SAMTOR: variants seen among roughly 807,000 people sequenced by gnomAD.
SAMTOR encodes S-adenosylmethionine sensor upstream of mTORC1, also known as UPF0532 protein C7orf60.
chr7:112,895,486 G>T, the SAMTOR span: 1 of 980,662 alleles, frequency 1.0e-6, no homozygotes, highest in Non-Finnish European at 1.4e-6. Context: ...CAAGTAAACT[G>T]CTCACTGTTT....
At chr7:112,864,716 T>C in the SAMTOR span, among the ~76,000 whole-genome samples, 29 of 152,304 alleles carry the variant, frequency 1.9e-4, 1 homozygote, top group Admixed American at 1.8e-3. Context: ...AGAACTGAGG[T>C]GGGAAAATAA....
the SAMTOR span, among the ~76,000 whole-genome samples, chr7:112,888,374 G>A: frequency 2.0e-5 from 3 of 152,036 alleles, no homozygotes; most frequent in African/African-American, 7.2e-5. Context: ...TGAATATTTT[G>A]AAAAATTATA....
the SAMTOR span, among the ~76,000 whole-genome samples, chr7:112,850,793 CCTT>C: frequency 1.3e-5 from 2 of 152,240 alleles, no homozygotes; most frequent in East Asian, 3.9e-4. Context: ...ATGTGAATCA[CCTT>C]TTTTCCCTCA....
chr7:112,871,705 T>C, the SAMTOR span, among the ~76,000 whole-genome samples: 2 of 152,138 alleles, frequency 1.3e-5, no homozygotes, highest in Non-Finnish European at 2.9e-5. Context: ...ACCATACAAA[T>C]GATCAATGTT....
At chr7:112,851,475 A>C in the SAMTOR span, among the ~76,000 whole-genome samples, 2 of 152,198 alleles carry the variant, frequency 1.3e-5, no homozygotes, top group Admixed American at 1.3e-4. Context: ...TAATGCTGGG[A>C]AAACTGGATA....
At chr7:112,911,518 T>C in the SAMTOR span, among the ~76,000 whole-genome samples, 3 of 151,880 alleles carry the variant, frequency 2.0e-5, no homozygotes, top group East Asian at 5.8e-4. Flanking sequence ...AATGCCAGTA[T>C]AAAAACAGAA....
At chr7:112,837,154 T>A in the SAMTOR span, among the ~76,000 whole-genome samples, 1 of 152,110 alleles carries the variant, frequency 6.6e-6, no homozygotes, top group South Asian at 2.1e-4. Context: ...ATTTTTCACC[T>A]CCCTGATTAG....
At chr7:112,902,920 G>A in the SAMTOR span, among the ~76,000 whole-genome samples, 1 of 152,172 alleles carries the variant, frequency 6.6e-6, no homozygotes, top group Non-Finnish European at 1.5e-5. Context: ...CATCACCTAT[G>A]CAAAACTCTT....
At chr7:112,852,365 T>A in the SAMTOR span, among the ~76,000 whole-genome samples, 1 of 152,044 alleles carries the variant, frequency 6.6e-6, no homozygotes, top group Non-Finnish European at 1.5e-5. Flanking sequence ...GAAAGCCAAA[T>A]ACATGTTCTA....
the SAMTOR span, among the ~76,000 whole-genome samples, chr7:112,923,079 A>G: frequency 7.9e-5 from 12 of 152,332 alleles, no homozygotes; most frequent in African/African-American, 2.6e-4. Context: ...GATGGTTGCT[A>G]TGTCTGTGTA....
chr7:112,859,805 G>T, the SAMTOR span, among the ~76,000 whole-genome samples: 1 of 152,170 alleles, frequency 6.6e-6, no homozygotes, highest in Non-Finnish European at 1.5e-5. Flanking sequence ...CTGCAAAGGA[G>T]TCAAAAAGTT....
chr7:112,849,581 C>T, the SAMTOR span, among the ~76,000 whole-genome samples: 1 of 152,110 alleles, frequency 6.6e-6, no homozygotes, highest in African/African-American at 2.4e-5. Flanking sequence ...AATTTGGATG[C>T]CCTTTATTTC....
the SAMTOR span, among the ~76,000 whole-genome samples, chr7:112,839,679 G>A: frequency 1.3e-5 from 2 of 151,686 alleles, no homozygotes; most frequent in Non-Finnish European, 2.9e-5. Context: ...AATCTTTGAT[G>A]AATCCTGGAT....
the SAMTOR span, among the ~76,000 whole-genome samples, chr7:112,839,808 C>A: frequency 6.6e-5 from 10 of 151,622 alleles, no homozygotes; most frequent in Non-Finnish European, 1.2e-4. Context: ...TATATGCATA[C>A]GATACTATTA....
At chr7:112,852,194 G>T in the SAMTOR span, among the ~76,000 whole-genome samples, 1 of 152,130 alleles carries the variant, frequency 6.6e-6, no homozygotes, top group African/African-American at 2.4e-5. Context: ...CAAAGTCATG[G>T]AATCAACTTG....
the SAMTOR span, among the ~76,000 whole-genome samples, chr7:112,920,065 C>T: frequency 0.013 from 1,996 of 148,342 alleles, 35 homozygotes; most frequent in African/African-American, 0.046. Flanking sequence ...TTCCAATCAA[C>T]AGAAAAAGAG....
At chr7:112,836,210 G>GT in the SAMTOR span, among the ~76,000 whole-genome samples, 1 of 152,116 alleles carries the variant, frequency 6.6e-6, no homozygotes, top group South Asian at 2.1e-4. Context: ...TCTCACTGTG[G>GT]TTTTGATTTG....
chr7:112,907,856 T>TATTA, the SAMTOR span, among the ~76,000 whole-genome samples: 17 of 151,620 alleles, frequency 1.1e-4, no homozygotes, highest in Non-Finnish European at 2.2e-4. Flanking sequence ...TTTATTTATT[T>TATTA]ATTTATTTAT....
the SAMTOR span, among the ~76,000 whole-genome samples, chr7:112,902,822 A>C: frequency 3.3e-5 from 5 of 152,294 alleles, no homozygotes; most frequent in South Asian, 1.0e-3. Context: ...TGCTCTAAAA[A>C]ATAAAGTCTA....
Sources: gnomAD v4.1 joint callset for allele counts (sites outside exome capture counted in the v4.1 genomes callset) on GRCh38, gnomAD v4.1.1 for gene constraint, MANE v1.5 for transcripts, NCBI Gene and HGNC (gene_info 2026-07-23, HGNC 2026-07-21) for gene names.